The following TMEM242 variants were observed in gnomAD, a reference collection of about 807,000 sequenced individuals.
TMEM242 encodes the protein UPF0463 transmembrane protein C6orf35.
Under a neutral mutation model 18.2 loss-of-function variants are expected in TMEM242, and 10 were observed. The ratio of observed to expected loss-of-function variants is 0.55; its 90% CI spans 0.34 to 0.93. TMEM242 has a LOEUF of 0.93. TMEM242 is among the 40% of genes least tolerant of loss of function. The probability of loss-of-function intolerance (pLI) is 0.02; values close to 1 mark genes in which losing one functional copy is unlikely to be tolerated. For missense variants in TMEM242, 186 were observed against 175.5 expected (o/e 1.06, Z -0.34); for synonymous variants, 57 against 69.9 (o/e 0.81, Z 0.92).
chr6:157,292,972 A>C lies in TMEM242; in HGVS notation c.355T>G (p.Ser119Ala). The part of the protein sequence containing the change: ...SMNDFRSKMQ[S>A]IFPTIPKNSE... ...TTCTTGGGAATTGTTGGAAATATTG[A>C]TTGCATTTTACTTCGAAAGTCGTTC... The change falls in exon 4 of 4, where the codon TCA (serine) becomes GCA (alanine). Residue 119 changes from serine (S) to alanine (A), a missense_variant. Coordinates refer to ENST00000400788, the MANE Select transcript of TMEM242 (RefSeq NM_018452.6). The C allele has an allele frequency of 6.2e-7, 1 of 1,613,810 alleles. No homozygotes were observed. The highest frequency in any genetic ancestry group is 8.5e-7 in the Non-Finnish European group (1 of 1,179,696).
chr6:157,316,978 T>C (rs1778403016), intron 3 of TMEM242, among the ~76,000 whole-genome samples: 1 of 152,244 alleles, frequency 6.6e-6, no homozygotes, highest in Non-Finnish European at 1.5e-5. Flanking sequence ...GTAATGTTTA[T>C]GTTTGTTTAC....
At chr6:157,299,987 A>C (rs1777805082) in intron 3 of TMEM242, 16 of 1,408,816 alleles carry the variant, frequency 1.1e-5, no homozygotes, top group Non-Finnish European at 1.6e-5. Flanking sequence ...GCGCTCAACA[A>C]GCTCACTCTT....
chr6:157,291,172 C>G lies in TMEM242; in HGVS notation c.*1729G>C, dbSNP rs782815734. The G allele has an allele frequency of 1.3e-5, 2 of 152,384 alleles. No individual in the cohort carries two copies. The highest frequency in any genetic ancestry group is 3.9e-4 in the East Asian group (2 of 5,194). 9.4% of individuals were successfully genotyped at this position (152,384 alleles called of 1,614,324 possible). A position where few individuals can be genotyped will look rare whatever the true frequency, so the allele number is the denominator to read the frequency against. On this transcript the variant is annotated 3_prime_UTR_variant, in exon 4 of 4. Transcript: ENST00000400788. The stretch of plus-strand genomic sequence containing the variant: ...TTAACAATGATTTCTCCTTTTAACA[C>G]TCCAGACAGGTGGGCAAGTCTCCTT...
chr6:157,312,567 TACGCTCA>T (rs1778199294), intron 3 of TMEM242, among the ~76,000 whole-genome samples: 6 of 46,822 alleles, frequency 1.3e-4, no homozygotes, highest in South Asian at 8.5e-4. Context: ...TGCCCCAGTG[TACGCTCA>T]CCCGGCCTCA....
intron 3 of TMEM242, among the ~76,000 whole-genome samples, chr6:157,308,159 C>T (rs1192941307): frequency 1.3e-5 from 2 of 152,226 alleles, no homozygotes; most frequent in African/African-American, 4.8e-5. Context: ...TAAGCTTTTT[C>T]ACAGTTTTAC....
chr6:157,310,601 T>G (rs1554248337), intron 3 of TMEM242, among the ~76,000 whole-genome samples: 1 of 151,974 alleles, frequency 6.6e-6, no homozygotes, highest in African/African-American at 2.4e-5. Flanking sequence ...CTCATCATAG[T>G]GCCCCAGTGT....
chr6:157,313,383 T>G (rs1778267401), intron 3 of TMEM242, among the ~76,000 whole-genome samples: 2 of 19,068 alleles, frequency 1.0e-4, no homozygotes, highest in African/African-American at 2.3e-4. Context: ...TGCCTCAGTG[T>G]ACGCTCACCG....
At chr6:157,312,723 TTACTGTCCCAGTGTGCGCTCACCTGGCC>T (rs1778212653) in intron 3 of TMEM242, among the ~76,000 whole-genome samples, 1 of 55,978 alleles carries the variant, frequency 1.8e-5, no homozygotes, top group African/African-American at 7.9e-5. Flanking sequence ...TGGCCTCATC[TTACTGTCCCAGTGTGCGCTCACCTGGCC>T]TCATCTTACT....
intron 1 of TMEM242, among the ~76,000 whole-genome samples, 194 bp from the exon 2 acceptor site, chr6:157,322,999 G>T (rs111357511): frequency 0.09 from 13,630 of 152,236 alleles, 832 homozygotes; most frequent in South Asian, 0.16. Context: ...GTGACCGCAC[G>T]ACCTCTGGTT....
chr6:157,319,128 T>C (rs1293828286), intron 2 of TMEM242, among the ~76,000 whole-genome samples: 1 of 152,246 alleles, frequency 6.6e-6, no homozygotes, highest in Non-Finnish European at 1.5e-5. Context: ...TGCCTGTTAA[T>C]TCTTCCAGAA....
At chr6:157,306,362 G>A (rs2128413824) in intron 3 of TMEM242, among the ~76,000 whole-genome samples, 1 of 152,364 alleles carries the variant, frequency 6.6e-6, no homozygotes, top group East Asian at 1.9e-4. Context: ...TATAGTGGCT[G>A]TGGGGGTCAG....
chr6:157,311,204 G>A (rs1778061539), intron 3 of TMEM242, among the ~76,000 whole-genome samples: 2 of 141,966 alleles, frequency 1.4e-5, no homozygotes, highest in Non-Finnish European at 3.1e-5. Flanking sequence ...TGATCATACT[G>A]TCCGACTGTG....
intron 3 of TMEM242, among the ~76,000 whole-genome samples, chr6:157,296,186 C>A (rs1262005436): frequency 6.6e-6 from 1 of 152,190 alleles, no homozygotes; most frequent in Non-Finnish European, 1.5e-5. Flanking sequence ...AACTGACTGC[C>A]CTGTACCCCA....
chr6:157,297,783 G>C (rs587759626), intron 3 of TMEM242, among the ~76,000 whole-genome samples: 1 of 152,188 alleles, frequency 6.6e-6, no homozygotes, highest in Non-Finnish European at 1.5e-5. Context: ...CATGGATCCT[G>C]AGATGAAATG....
chr6:157,310,803 A>C (rs1778013793), intron 3 of TMEM242, among the ~76,000 whole-genome samples: 3 of 150,160 alleles, frequency 2.0e-5, no homozygotes, highest in African/African-American at 7.3e-5. Context: ...GCCTCATCAT[A>C]GGGTCCCAGT....
rs147188019 is a variant in TMEM242 at position 157,307,623 on chromosome 6, T to C, written c.327+11159A>G. Among the ~76,000 whole-genome samples the C allele has an allele frequency of 5.8e-4, 89 of 152,268 alleles. No homozygotes were observed. The East Asian group carries it at 0.017, about 29-fold the overall frequency. On this transcript the variant is annotated intron_variant, in intron 3 of 3. Coordinates refer to ENST00000400788, the MANE Select transcript of TMEM242 (RefSeq NM_018452.6). The stretch of plus-strand genomic sequence containing the variant: ...CTGTCCACTACGATGTTAAACCTAT[T>C]AGAGCTGCAGTGGAATGGGGAAGAA...
intron 3 of TMEM242, among the ~76,000 whole-genome samples, chr6:157,293,651 CAG>C (rs1562377473): frequency 6.6e-6 from 1 of 151,350 alleles, no homozygotes; most frequent in Non-Finnish European, 1.5e-5. Context: ...ATGTGCAAGA[CAG>C]TGGTTTTTTT....
intron 2 of TMEM242, 142 bp from the exon 3 acceptor site, chr6:157,319,061 T>C: frequency 2.4e-6 from 2 of 820,772 alleles, no homozygotes; most frequent in Non-Finnish European, 3.5e-6. Context: ...CTGGCTTTGC[T>C]ACTTAATAAT....
chr6:157,291,887 A>G lies in TMEM242; in HGVS notation c.*1014T>C, dbSNP rs1214799060. On this transcript the variant is annotated 3_prime_UTR_variant, in exon 4 of 4. Coordinates refer to ENST00000400788, the MANE Select transcript of TMEM242 (RefSeq NM_018452.6). Reference sequence around the variant, plus strand: ...AGGTTTTTTCTCTGGACATATTGACATATTAAAGTATTTCTCTTCTTGAAA... The same window carrying G: ...AGGTTTTTTCTCTGGACATATTGACGTATTAAAGTATTTCTCTTCTTGAAA... 6.6e-6 allele frequency: 1 copy of G among 152,252 alleles called. No homozygotes were observed. Among genetic ancestry groups the G allele is most frequent in the African/African-American group, 2.4e-5 (1 of 41,466 alleles). 9.4% of individuals were successfully genotyped at this position (152,252 alleles called of 1,614,324 possible).
Sources: gnomAD v4.1 joint callset for allele counts (sites outside exome capture counted in the v4.1 genomes callset) on GRCh38, gnomAD v4.1.1 for gene constraint, MANE v1.5 for transcripts, NCBI Gene and HGNC (gene_info 2026-07-23, HGNC 2026-07-21) for gene names.